Variants in HERPUD2 observed in about 807,000 individuals in gnomAD.
HERPUD2 encodes HERPUD family member 2, also known as homocysteine-responsive endoplasmic reticulum-resident ubiquitin-like domain member 2 protein.
In HERPUD2, 13 loss-of-function variants were observed where a neutral mutation model predicts 49.9. That is an observed-to-expected ratio of 0.26 (90% CI 0.17 to 0.41). The LOEUF (loss-of-function observed/expected upper bound fraction) is 0.41. Ranked by LOEUF, HERPUD2 falls within the 10% of genes least tolerant of loss-of-function variation. The pLI, the probability that HERPUD2 is intolerant of heterozygous loss-of-function variation, is 1.00. For missense variants in HERPUD2, 449 were observed against 492.2 expected (o/e 0.91, Z 0.83); for synonymous variants, 172 against 171.4 (o/e 1.00, Z -0.03).
chr7:35,682,372 T>G (rs1215799262), intron 2 of HERPUD2, among the ~76,000 whole-genome samples: 1 of 125,818 alleles, frequency 7.9e-6, no homozygotes, highest in Non-Finnish European at 1.7e-5. Flanking sequence ...TATATATATA[T>G]ATATATATAT....
intron 5 of HERPUD2, among the ~76,000 whole-genome samples, chr7:35,642,246 A>G (rs1411478063): frequency 6.6e-6 from 1 of 152,258 alleles, no homozygotes; most frequent in African/African-American, 2.4e-5. Context: ...ATGCAAATCA[A>G]AACCATAATG....
chr7:35,646,052 A>G (rs1042848742), intron 5 of HERPUD2, among the ~76,000 whole-genome samples: 1 of 152,212 alleles, frequency 6.6e-6, no homozygotes, highest in East Asian at 1.9e-4. Context: ...GGCTTTATCC[A>G]TTATTACTGT....
chr7:35,655,434 A>G (rs1785256902), intron 5 of HERPUD2, among the ~76,000 whole-genome samples: 1 of 152,242 alleles, frequency 6.6e-6, no homozygotes, highest in Admixed American at 6.5e-5. Flanking sequence ...AAATCAATAA[A>G]CATGATACAT....
intron 5 of HERPUD2, among the ~76,000 whole-genome samples, chr7:35,640,469 C>T (rs1357976846): frequency 2.6e-5 from 4 of 152,194 alleles, no homozygotes; most frequent in African/African-American, 9.7e-5. Context: ...CTCCTGCATG[C>T]TGCCCAAAAC....
intron 2 of HERPUD2, among the ~76,000 whole-genome samples, chr7:35,691,282 C>A (rs1392434299): frequency 1.3e-5 from 2 of 152,052 alleles, no homozygotes; most frequent in Non-Finnish European, 2.9e-5. Flanking sequence ...AATATCTGAC[C>A]ATGAAGCTAG....
chr7:35,692,247 C>T (rs146387499), intron 2 of HERPUD2, among the ~76,000 whole-genome samples: 1 of 152,148 alleles, frequency 6.6e-6, no homozygotes, highest in Non-Finnish European at 1.5e-5. Flanking sequence ...AGACCTCCTG[C>T]CAAAAGCAGG....
At chr7:35,688,682 A>C (rs1786116653) in intron 2 of HERPUD2, among the ~76,000 whole-genome samples, 1 of 152,176 alleles carries the variant, frequency 6.6e-6, no homozygotes, top group African/African-American at 2.4e-5. Context: ...TAGACAACAA[A>C]CCAGCCAAAC....
intron 5 of HERPUD2, among the ~76,000 whole-genome samples, chr7:35,666,469 C>T (rs1368343262): frequency 6.6e-6 from 1 of 152,202 alleles, no homozygotes; most frequent in East Asian, 1.9e-4. Context: ...GTTACACCAC[C>T]TACATTACAA....
chr7:35,686,743 A>AC lies in HERPUD2; in HGVS notation c.147+7440_147+7441insG, dbSNP rs1413782803. On this transcript the variant is annotated intron_variant, in intron 2 of 8. Coordinates refer to ENST00000311350, the MANE Select transcript of HERPUD2 (RefSeq NM_022373.5). The stretch of plus-strand genomic sequence containing the variant: ...CAAAAAAAAAAAAAAAAAAAAAAAA[A>AC]AACCAAACCCATTTCCAGGCCAGGG... 5.3e-4 allele frequency among the ~76,000 whole-genome samples: 60 copies of AC among 113,274 alleles called. 3 individuals carry two copies. The highest frequency in any genetic ancestry group is 2.0e-3 in the African/African-American group (52 of 25,942). The allele number at this position is 113,274 out of a possible 152,430, so 74.3% of individuals were successfully genotyped here. A position where few individuals can be genotyped will look rare whatever the true frequency, so the allele number is the denominator to read the frequency against.
At chr7:35,652,510 T>G (rs1016264660) in intron 5 of HERPUD2, among the ~76,000 whole-genome samples, 1 of 151,482 alleles carries the variant, frequency 6.6e-6, no homozygotes, top group African/African-American at 2.4e-5. Flanking sequence ...CAGCAGACTA[T>G]CAGCAGATTT....
At chr7:35,659,942 A>G (rs1399720315) in intron 5 of HERPUD2, among the ~76,000 whole-genome samples, 1 of 151,050 alleles carries the variant, frequency 6.6e-6, no homozygotes, top group African/African-American at 2.4e-5. Context: ...TGCAGGTTAC[A>G]TATGTATACA....
chr7:35,670,080 T>TTTAGTTCAAAA, intron 4 of HERPUD2, 135 bp downstream of exon 4: 1 of 491,798 alleles, frequency 2.0e-6, no homozygotes. Context: ...AATGCCTAAC[T>TTTAGTTCAAAA]TTAGTTCAAA....
At chr7:35,676,703 G>GTGACATTTC (rs1785767797) in intron 2 of HERPUD2, among the ~76,000 whole-genome samples, 1 of 152,168 alleles carries the variant, frequency 6.6e-6, no homozygotes, top group Non-Finnish European at 1.5e-5. Flanking sequence ...TGAGTTCACT[G>GTGACATTTC]TGACATTTCC....
intron 5 of HERPUD2, among the ~76,000 whole-genome samples, chr7:35,664,073 T>C (rs1785487755): frequency 6.6e-6 from 1 of 152,222 alleles, no homozygotes; most frequent in African/African-American, 2.4e-5. Flanking sequence ...TCAGGAGCTC[T>C]TGTAAGGCAG....
chr7:35,648,217 C>G (rs950388805), intron 5 of HERPUD2, among the ~76,000 whole-genome samples: 3 of 152,066 alleles, frequency 2.0e-5, no homozygotes, highest in African/African-American at 7.2e-5. Context: ...CACAATTTAT[C>G]CTAAAATAAT....
rs1438846795 is a variant in HERPUD2 at position 35,686,959 on chromosome 7, C to T, written c.147+7225G>A. ...CCTGTAATCCCAGCTACTGAGGAGG[C>T]TGAGGCAGGACAATCACTTGAACCC... On this transcript the variant is annotated intron_variant, in intron 2 of 8. Coordinates refer to ENST00000311350, the MANE Select transcript of HERPUD2 (RefSeq NM_022373.5). 4.6e-5 allele frequency among the ~76,000 whole-genome samples: 7 copies of T among 151,050 alleles called. No individual in the cohort carries two copies. In the South Asian group the frequency reaches 1.0e-3, roughly 23 times the overall value.
At chr7:35,648,798 A>C (rs1245994832) in intron 5 of HERPUD2, among the ~76,000 whole-genome samples, 1 of 152,258 alleles carries the variant, frequency 6.6e-6, no homozygotes, top group East Asian at 1.9e-4. Flanking sequence ...GAGCTGCACC[A>C]GTGACTAAAA....
chr7:35,654,957 C>T (rs1366864019), intron 5 of HERPUD2, among the ~76,000 whole-genome samples: 1 of 152,124 alleles, frequency 6.6e-6, no homozygotes, highest in Admixed American at 6.6e-5. Context: ...TGGGTTCAAG[C>T]GATGCTCCTG....
At chr7:35,651,480 G>A (rs1785165828) in intron 5 of HERPUD2, among the ~76,000 whole-genome samples, 1 of 151,930 alleles carries the variant, frequency 6.6e-6, no homozygotes, top group Non-Finnish European at 1.5e-5. Flanking sequence ...TACTGACACT[G>A]TTCCTGACAA....
Sources: allele counts gnomAD v4.1 joint callset (sites outside exome capture counted in the v4.1 genomes callset), GRCh38; gene constraint gnomAD v4.1.1; transcripts MANE v1.5; gene names NCBI Gene and HGNC (gene_info 2026-07-23, HGNC 2026-07-21).